The following ZNF280C variants were observed in gnomAD, a reference collection of about 807,000 sequenced individuals.
ZNF280C encodes the protein zinc finger protein 280C.
In ZNF280C, 14 loss-of-function variants were observed where a neutral mutation model predicts 53.6. The observed-to-expected ratio is 0.26, with a 90% CI of 0.17 to 0.41. The LOEUF is 0.41. ZNF280C is among the 10% of genes least tolerant of loss of function. The pLI is 1.00. For synonymous variants in ZNF280C, 203 were observed against 181.1 expected, an observed-to-expected ratio of 1.12 and a Z score of -0.97; for missense variants, 416 against 547.1, an observed-to-expected ratio of 0.76 and a Z score of 2.39.
chrX:130,256,855 G>A (rs1051965942), intron 2 of ZNF280C, among the ~76,000 whole-genome samples: 1 of 109,091 alleles, frequency 9.2e-6, no homozygotes, highest in South Asian at 4.0e-4. Context: ...TTGAGATCAC[G>A]CCACTGCACT....
rs35374607 is a variant in ZNF280C at position 130,257,198 on chromosome X, C to CA, written c.31+3220dup. Among the ~76,000 whole-genome samples the CA allele has an allele frequency of 4.2e-3, 175 of 41,870 alleles. 2 individuals carry two copies. The highest frequency in any genetic ancestry group is 0.031 in the Middle Eastern group (2 of 65). The allele number at this position is 41,870 out of a possible 115,157, so 36.4% of individuals were successfully genotyped here. A position where few individuals can be genotyped will look rare whatever the true frequency, so the allele number is the denominator to read the frequency against. ...CCTGGGCAAGAGCGAGACTCTGTCT[C>CA]AAAAAAAAAAAAAAAAAAAAAGGCT... On this transcript the variant is annotated intron_variant, in intron 2 of 18. Coordinates refer to ENST00000370978, the MANE Select transcript of ZNF280C (RefSeq NM_017666.5).
At chrX:130,240,841 C>G (rs1002587897) in intron 5 of ZNF280C, among the ~76,000 whole-genome samples, 1 of 112,120 alleles carries the variant, frequency 8.9e-6, no homozygotes, top group Admixed American at 9.5e-5. Flanking sequence ...AACTATGTTA[C>G]CTTGGGCAAG....
intron 15 of ZNF280C, among the ~76,000 whole-genome samples, chrX:130,211,837 A>T (rs1239907163): frequency 8.9e-6 from 1 of 112,047 alleles, no homozygotes; most frequent in Non-Finnish European, 1.9e-5. Flanking sequence ...GGGAGAGGGG[A>T]GGACGGAATG....
chrX:130,222,597 T>C (rs2032179623), intron 12 of ZNF280C, among the ~76,000 whole-genome samples: 1 of 112,429 alleles, frequency 8.9e-6, no homozygotes, highest in Non-Finnish European at 1.9e-5. Context: ...ATTCCCTTAG[T>C]TGGACTCAAG....
intron 2 of ZNF280C, among the ~76,000 whole-genome samples, chrX:130,254,862 A>G (rs994257885): frequency 5.4e-5 from 6 of 110,452 alleles, no homozygotes; most frequent in Non-Finnish European, 5.7e-5. Flanking sequence ...CCCCCAAGAC[A>G]TGAGTGTACC....
At chrX:130,254,601 T>A (rs1415557615) in intron 2 of ZNF280C, among the ~76,000 whole-genome samples, 1 of 111,938 alleles carries the variant, frequency 8.9e-6, no homozygotes, top group Non-Finnish European at 1.9e-5. Flanking sequence ...GGTCATGTCC[T>A]TTGCAGGAAC....
Position 130,236,524 on chromosome X carries a change from T to A in ZNF280C, c.609A>T (p.Ser203=). The stretch of plus-strand genomic sequence containing the variant: ...CTGGAGGAGAGCCAATTAAAGGCAA[T>A]GAAGTGGAGGGATTTATCTGAGGAA... The part of the protein sequence containing the change: ...EDVPQINPST[S]LPLIGSPPVT... Residue 203 remains serine, a synonymous_variant, in exon 7 of 19, where the codon TCA becomes TCT. Coordinates refer to ENST00000370978, the MANE Select transcript of ZNF280C (RefSeq NM_017666.5). 1 of 1,207,689 alleles carries A rather than the reference T, an allele frequency of 8.3e-7. No individual in the cohort carries two copies. Among genetic ancestry groups the A allele is most frequent in the South Asian group, 1.8e-5 (1 of 56,227 alleles).
chrX:130,246,950 T>C lies in ZNF280C; in HGVS notation c.87A>G (p.Pro29=). 1 of 1,211,392 alleles carries C rather than the reference T, an allele frequency of 8.3e-7. No individual in the cohort carries two copies. The highest frequency in any genetic ancestry group is 1.1e-6 in the Non-Finnish European group (1 of 894,964). The change falls in exon 3 of 19, where the codon CCA becomes CCG. Residue 29 remains proline (P), a synonymous_variant. Transcript: ENST00000370978. ...FMECEEEELE[P]WQKKVEETQD... ...GAGTTTCTTCTACTTTCTTCTGCCATGGCTCTAGCTCTTCTTCTTCACATT... is the reference window on the plus strand; with the variant it reads ...GAGTTTCTTCTACTTTCTTCTGCCACGGCTCTAGCTCTTCTTCTTCACATT...
intron 15 of ZNF280C, among the ~76,000 whole-genome samples, chrX:130,214,853 A>G (rs1411934896): frequency 2.7e-5 from 3 of 112,190 alleles, no homozygotes; most frequent in Non-Finnish European, 5.6e-5. Context: ...AGCTGATCAT[A>G]TTTATTTGAT....
In ZNF280C at chrX:130,247,253, C is replaced by T. The variant is rs749700414; in HGVS notation, c.32-248G>A. On this transcript the variant is annotated intron_variant, in intron 2 of 18. Coordinates refer to ENST00000370978, the MANE Select transcript of ZNF280C (RefSeq NM_017666.5). ...CCTCCCAAGTAGCTGGGACTACAGG[C>T]GCCCACTGCTACGCCCAGTTAATTT... Among the ~76,000 whole-genome samples, 11 of 111,639 alleles carry T rather than the reference C, an allele frequency of 9.9e-5. No individual in the cohort carries two copies. The East Asian group carries it at 2.2e-3, about 23-fold the overall frequency.
intron 8 of ZNF280C, among the ~76,000 whole-genome samples, chrX:130,231,119 T>C (rs2032271920): frequency 8.9e-6 from 1 of 111,745 alleles, no homozygotes; most frequent in African/African-American, 3.3e-5. Context: ...GGTAGGAATG[T>C]AAATTAGTTG....
intron 13 of ZNF280C, 39 bp downstream of exon 13, chrX:130,220,310 A>G (rs1479998944): frequency 3.7e-6 from 4 of 1,083,052 alleles, no homozygotes; most frequent in East Asian, 3.3e-5. Flanking sequence ...AATTAATAGA[A>G]TGTGCAAAAA....
chrX:130,211,228 G>A (rs1265640951), intron 15 of ZNF280C, among the ~76,000 whole-genome samples: 2 of 112,619 alleles, frequency 1.8e-5, no homozygotes, highest in Non-Finnish European at 3.7e-5. Flanking sequence ...TGAGGCAGAA[G>A]AGCAGAATGT....
chrX:130,227,017 A>G (rs1354857556), intron 11 of ZNF280C, 112 bp from the exon 12 acceptor site: 1 of 617,493 alleles, frequency 1.6e-6, no homozygotes, highest in Non-Finnish European at 2.5e-6. Context: ...CTACTAGTCC[A>G]GCTCTGCTGC....
At chrX:130,257,198 CAAAAA>C (rs35374607) in intron 2 of ZNF280C, among the ~76,000 whole-genome samples, 2 of 41,977 alleles carry the variant, frequency 4.8e-5, no homozygotes, top group Non-Finnish European at 8.3e-5. Flanking sequence ...GACTCTGTCT[CAAAAA>C]AAAAAAAAAA....
chrX:130,222,276 CCACACACACACACACACACACACACACA>C (rs59694150), intron 12 of ZNF280C, among the ~76,000 whole-genome samples: 2 of 69,936 alleles, frequency 2.9e-5, no homozygotes, highest in African/African-American at 1.2e-4. Context: ...CATTCAGACA[CCACACACACACACACACACACACACACA>C]CACACACACA....
intron 5 of ZNF280C, among the ~76,000 whole-genome samples, chrX:130,240,129 T>A (rs1284169785): frequency 9.0e-6 from 1 of 111,292 alleles, no homozygotes. Context: ...ATAGCAAAAA[T>A]TGAAAACCTG....
intron 11 of ZNF280C, 106 bp from the exon 12 acceptor site, chrX:130,227,011 T>C: frequency 2.9e-6 from 2 of 691,437 alleles, no homozygotes; most frequent in Non-Finnish European, 4.3e-6. Context: ...CATGTACTAC[T>C]AGTCCAGCTC....
At chrX:130,263,259 TTCACA>T (rs2032650221) in intron 1 of ZNF280C, among the ~76,000 whole-genome samples, 1 of 112,462 alleles carries the variant, frequency 8.9e-6, no homozygotes, top group South Asian at 3.7e-4. Flanking sequence ...CACACAAATG[TTCACA>T]GTGGCATTAT....
Sources: allele counts gnomAD v4.1 joint callset (sites outside exome capture counted in the v4.1 genomes callset), GRCh38; gene constraint gnomAD v4.1.1; transcripts MANE v1.5; gene names NCBI Gene and HGNC (gene_info 2026-07-23, HGNC 2026-07-21).